Variants in SEMA4D observed in about 807,000 individuals in gnomAD.
SEMA4D encodes semaphorin 4D.
In SEMA4D, 22 loss-of-function variants were observed where a neutral mutation model predicts 74.8. The ratio of observed to expected loss-of-function variants is 0.29; its 90% CI spans 0.21 to 0.42. The LOEUF is 0.42. SEMA4D is among the 10% of genes least tolerant of loss of function. The pLI, the probability that SEMA4D is intolerant of heterozygous loss-of-function variation, is 1.00. For synonymous variants in SEMA4D, 445 were observed against 463.7 expected (o/e 0.96, Z 0.52); for missense variants, 937 against 1,118.4 (o/e 0.84, Z 2.31).
At chr9:89,376,773 C>A, downstream of SEMA4D, 6 of 1,511,922 alleles carry the variant, frequency 4.0e-6, no homozygotes, top group Non-Finnish European at 5.4e-6. Context: ...CCCGCCCGCC[C>A]CCCACCTGTG....
chr9:89,497,999 AGCGGCGGGAG>A lies in SEMA4D; in HGVS notation c.-400_-391del, dbSNP rs1323209212. 1 of 144,252 alleles carries A rather than the reference AGCGGCGGGAG, an allele frequency of 6.9e-6. No individual in the cohort carries two copies. The highest frequency in any genetic ancestry group is 1.5e-5 in the Non-Finnish European group (1 of 65,118). The allele number at this position is 144,252 out of a possible 1,614,324, so 8.9% of individuals were successfully genotyped here. On this transcript the variant is annotated 5_prime_UTR_variant, in exon 1 of 16. Transcript: ENST00000422704. ...GAATGGCGGCGGCGGCGGCGGCGGC[AGCGGCGGGAG>A]GCGGCCGGGCCGGGGAGGGGGTGGC...
exon 17 of SEMA4D, chr9:89,363,754 A>G (rs377620374): frequency 6.2e-7 from 1 of 1,612,866 alleles, no homozygotes; most frequent in Non-Finnish European, 8.5e-7. Flanking sequence ...GTCTCATCAC[A>G]GCAACCTGCA....
chr9:89,424,593 T>C (rs185893775), intron 2 of SEMA4D, among the ~76,000 whole-genome samples: 19 of 152,198 alleles, frequency 1.2e-4, no homozygotes, highest in African/African-American at 4.6e-4. Flanking sequence ...GTCTCCTTTC[T>C]CTGACCAGGA....
chr9:89,485,259 T>C (rs1825089850), intron 1 of SEMA4D, among the ~76,000 whole-genome samples: 1 of 152,200 alleles, frequency 6.6e-6, no homozygotes, highest in Admixed American at 6.5e-5. Flanking sequence ...TGACTTCTCA[T>C]CTCATTAGGC....
chr9:89,424,596 G>A (rs1324064246), intron 2 of SEMA4D, among the ~76,000 whole-genome samples: 2 of 151,596 alleles, frequency 1.3e-5, no homozygotes, highest in Non-Finnish European at 2.9e-5. Context: ...TCCTTTCTCT[G>A]ACCAGGACCC....
chr9:89,440,172 C>G (rs1851380388), intron 2 of SEMA4D, among the ~76,000 whole-genome samples: 1 of 152,186 alleles, frequency 6.6e-6, no homozygotes, highest in African/African-American at 2.4e-5. Context: ...TCCACACCCA[C>G]CCGGGACGAG....
chr9:89,495,188 C>T (rs1048928490), intron 1 of SEMA4D, among the ~76,000 whole-genome samples: 1 of 152,098 alleles, frequency 6.6e-6, no homozygotes, highest in African/African-American at 2.4e-5. Flanking sequence ...CTGCTGATGC[C>T]CCAGGGGAAG....
At chr9:89,416,467 G>A (rs932696223) in intron 2 of SEMA4D, among the ~76,000 whole-genome samples, 2 of 152,042 alleles carry the variant, frequency 1.3e-5, no homozygotes, top group African/African-American at 4.8e-5. Flanking sequence ...AACAACACGC[G>A]AGGCGCGACC....
chr9:89,433,799 T>C (rs1849790342), intron 2 of SEMA4D, among the ~76,000 whole-genome samples: 1 of 152,130 alleles, frequency 6.6e-6, no homozygotes. Flanking sequence ...GTGCAGATTG[T>C]CCCGGGGCTC....
intron 2 of SEMA4D, among the ~76,000 whole-genome samples, chr9:89,442,816 C>T (rs548735674): frequency 1.2e-4 from 19 of 152,198 alleles, no homozygotes; most frequent in Non-Finnish European, 2.8e-4. Flanking sequence ...CATTTCCCAG[C>T]GAGGAAACAC....
intron 5 of SEMA4D, 50 bp downstream of exon 5, chr9:89,399,226 A>G (rs1372595197): frequency 2.7e-6 from 4 of 1,504,018 alleles, no homozygotes; most frequent in Non-Finnish European, 2.8e-6. Flanking sequence ...GATTAAAACA[A>G]CCAAGAAATA....
intron 6 of SEMA4D, among the ~76,000 whole-genome samples, chr9:89,395,416 C>T (rs1394601739): frequency 6.7e-6 from 1 of 150,144 alleles, no homozygotes; most frequent in Admixed American, 6.6e-5. Flanking sequence ...AAGAGTGAAA[C>T]TCCGTCTCAA....
chr9:89,411,322 C>T (rs2133928940), intron 2 of SEMA4D, among the ~76,000 whole-genome samples: 1 of 152,212 alleles, frequency 6.6e-6, no homozygotes, highest in South Asian at 2.1e-4. Flanking sequence ...TTATCACTGC[C>T]CAGTTGCATA....
intron 2 of SEMA4D, chr9:89,450,627 C>A: frequency 1.4e-6 from 1 of 703,616 alleles, no homozygotes; most frequent in Non-Finnish European, 2.3e-6. Context: ...GCTAAAGACC[C>A]TCCTCCAGAG....
Position 89,483,054 on chromosome 9 carries a change from C to T in SEMA4D, c.-310+14865G>A, listed in dbSNP as rs1461407920. On this transcript the variant is annotated intron_variant, in intron 1 of 15. Transcript: ENST00000422704. ...AGCGACTGGTGTCTATTTTAAAAAT[C>T]GCCTTCTCACCACCTCTCTGGTTTC... Among the ~76,000 whole-genome samples the T allele has an allele frequency of 2.6e-5, 4 of 152,202 alleles. No homozygotes were observed. In the South Asian group the frequency reaches 8.3e-4, roughly 32 times the overall value.
At chr9:89,445,886 C>G (rs994227655) in intron 2 of SEMA4D, among the ~76,000 whole-genome samples, 8 of 152,096 alleles carry the variant, frequency 5.3e-5, no homozygotes, top group Non-Finnish European at 7.4e-5. Flanking sequence ...CCTCTGCGTC[C>G]ACCTCAGAGG....
chr9:89,443,193 C>T (rs55771304), intron 2 of SEMA4D, among the ~76,000 whole-genome samples: 23,505 of 152,188 alleles, frequency 0.15, 2,388 homozygotes, highest in South Asian at 0.23. Flanking sequence ...CTGTCAGTGG[C>T]GGGATTATGA....
chr9:89,438,897 C>T (rs1412134157), intron 2 of SEMA4D, among the ~76,000 whole-genome samples: 4 of 148,578 alleles, frequency 2.7e-5, no homozygotes, highest in Admixed American at 1.4e-4. Flanking sequence ...AGTCTCCTGA[C>T]CTCGTGATCC....
In SEMA4D at chr9:89,377,366, G is replaced by T. The variant is rs187126489; in HGVS notation, c.*1338C>A. 4.2e-4 allele frequency: 108 copies of T among 256,030 alleles called. 1 individual carries two copies. The highest frequency in any genetic ancestry group is 2.2e-3 in the Admixed American group (41 of 18,444). 15.9% of individuals were successfully genotyped at this position (256,030 alleles called of 1,614,324 possible). A position where few individuals can be genotyped will look rare whatever the true frequency, so the allele number is the denominator to read the frequency against. ...AAAATGGTCAAATCCTATCATGCTG[G>T]AAGATAAGACTGTCCACACACGCGC... On this transcript the variant is annotated 3_prime_UTR_variant, in exon 16 of 16. Transcript: ENST00000422704.
Sources: gnomAD v4.1 joint callset for allele counts (sites outside exome capture counted in the v4.1 genomes callset) on GRCh38, gnomAD v4.1.1 for gene constraint, MANE v1.5 for transcripts, NCBI Gene and HGNC (gene_info 2026-07-23, HGNC 2026-07-21) for gene names.